BCL11A: variants seen among roughly 807,000 people sequenced by gnomAD.
BCL11A encodes the protein B cell CLL/lymphoma 11A.
BCL11A carries 2 observed loss-of-function variants against 55.9 expected under a neutral mutation model. The ratio of observed to expected loss-of-function variants is 0.04; its 90% CI spans 0.01 to 0.11. The LOEUF (loss-of-function observed/expected upper bound fraction) is 0.11, where lower values mean the gene tolerates loss of function less well. Among genes scored for constraint, BCL11A ranks in the 10% least tolerant of loss-of-function variants. BCL11A has a pLI of 1.00. For synonymous variants in BCL11A, 465 were observed against 473.4 expected, an observed-to-expected ratio of 0.98 and a Z score of 0.23; for missense variants, 817 against 1,137.1, an observed-to-expected ratio of 0.72 and a Z score of 4.05.
At chr2:60,514,654 C>A (rs1377749360) in intron 2 of BCL11A, among the ~76,000 whole-genome samples, 1 of 147,590 alleles carries the variant, frequency 6.8e-6, no homozygotes, top group African/African-American at 2.5e-5. Flanking sequence ...GGCGACAGAG[C>A]GAGACTCCAT....
At chr2:60,526,441 T>G (rs1377942641) in intron 2 of BCL11A, 1 of 152,230 alleles carries the variant, frequency 6.6e-6, no homozygotes, top group Non-Finnish European at 1.5e-5. Flanking sequence ...TTGTCTCCTA[T>G]GCATCTCCCC....
intron 2 of BCL11A, among the ~76,000 whole-genome samples, chr2:60,504,855 C>T (rs574115448): frequency 2.0e-5 from 3 of 152,098 alleles, no homozygotes; most frequent in Non-Finnish European, 4.4e-5. Context: ...TACCAGTGAG[C>T]GCCCACCACT....
chr2:60,525,340 G>C (rs1363972385), intron 2 of BCL11A: 1 of 152,166 alleles, frequency 6.6e-6, no homozygotes, highest in Non-Finnish European at 1.5e-5. Flanking sequence ...AAAAGATGGA[G>C]AAATCTTATA....
intron 2 of BCL11A, among the ~76,000 whole-genome samples, chr2:60,516,023 T>C (rs1233667510): frequency 6.6e-6 from 1 of 152,196 alleles, no homozygotes; most frequent in East Asian, 1.9e-4. Context: ...GCCCCTCTTC[T>C]CACCACTTCA....
chr2:60,519,539 TTGCCTGCCTGCCTGCCTGCC>T (rs3028029), intron 2 of BCL11A, among the ~76,000 whole-genome samples: 25 of 147,632 alleles, frequency 1.7e-4, no homozygotes, highest in East Asian at 6.1e-4. Flanking sequence ...AGGTCCTCAC[TTGCCTGCCTGCCTGCCTGCC>T]TGCCTGCCTG....
chr2:60,452,560 G>A, downstream of BCL11A: 1 of 1,610,442 alleles, frequency 6.2e-7, no homozygotes. Flanking sequence ...CCACCCCTGG[G>A]GGCTTCAAAT....
intron 1 of BCL11A, among the ~76,000 whole-genome samples, chr2:60,548,474 G>A (rs1448611358): frequency 6.6e-6 from 1 of 152,066 alleles, no homozygotes; most frequent in South Asian, 2.1e-4. Context: ...TCTTCTAAAT[G>A]TAGTGACTGA....
chr2:60,511,321 A>C (rs1008293421), intron 2 of BCL11A, among the ~76,000 whole-genome samples: 3 of 152,246 alleles, frequency 2.0e-5, no homozygotes, highest in Non-Finnish European at 2.9e-5. Flanking sequence ...ACAATTTGAC[A>C]GGTGAATAAG....
At chr2:60,522,897 C>G (rs949587532) in intron 2 of BCL11A, 4 of 152,198 alleles carry the variant, frequency 2.6e-5, no homozygotes, top group Non-Finnish European at 4.4e-5. Flanking sequence ...CAGGCAAGAG[C>G]AAATACTATT....
In BCL11A at chr2:60,539,761, G is replaced by C. The variant is rs548148440; in HGVS notation, c.385+6210C>G. ...TCAGGTTACATTTCCTGGAAATTAA[G>C]TTTGTGACAGAAAATGACTCCAGTA... On this transcript the variant is annotated intron_variant, in intron 2 of 3. Transcript: ENST00000642384. 1.7e-4 allele frequency among the ~76,000 whole-genome samples: 26 copies of C among 152,340 alleles called. 1 individual carries two copies. The South Asian group carries it at 2.3e-3, about 13-fold the overall frequency.
intron 2 of BCL11A, among the ~76,000 whole-genome samples, chr2:60,531,494 C>G (rs142281485): frequency 1.3e-5 from 2 of 152,060 alleles, no homozygotes; most frequent in African/African-American, 4.8e-5. Flanking sequence ...CAAGGTCCCT[C>G]CAAAAAATAT....
chr2:60,550,295 G>C (rs1172281535), intron 1 of BCL11A, among the ~76,000 whole-genome samples: 1 of 152,150 alleles, frequency 6.6e-6, no homozygotes, highest in Non-Finnish European at 1.5e-5. Flanking sequence ...GCGCCCGGTC[G>C]CTTCTCCGCG....
chr2:60,459,983 T>C lies in BCL11A; in HGVS notation c.*421A>G. The C allele has an allele frequency of 1.9e-6, 2 of 1,067,746 alleles. No individual in the cohort carries two copies. Among genetic ancestry groups the C allele is most frequent in the Non-Finnish European group, 2.3e-6 (2 of 881,014 alleles). The allele number at this position is 1,067,746 out of a possible 1,614,324, so 66.1% of individuals were successfully genotyped here. The stretch of plus-strand genomic sequence containing the variant: ...CAGAACGGAACTGGAAACAGCAACA[T>C]GTTTGCTCAGCAACGAATTAGGGAC... On this transcript the variant is annotated 3_prime_UTR_variant, in exon 4 of 4. Coordinates refer to ENST00000642384, the MANE Select transcript of BCL11A (RefSeq NM_022893.4).
At chr2:60,517,474 G>C (rs1409385815) in intron 2 of BCL11A, among the ~76,000 whole-genome samples, 1 of 152,228 alleles carries the variant, frequency 6.6e-6, no homozygotes, top group African/African-American at 2.4e-5. Flanking sequence ...TGGTGGTTTT[G>C]TTGCTTGGGT....
At chr2:60,489,322 A>G (rs1257565831) in intron 2 of BCL11A, among the ~76,000 whole-genome samples, 5 of 152,142 alleles carry the variant, frequency 3.3e-5, no homozygotes, top group African/African-American at 7.2e-5. Flanking sequence ...AACATATCCA[A>G]ATTCATACAA....
intron 2 of BCL11A, among the ~76,000 whole-genome samples, chr2:60,470,814 G>A (rs1248237136): frequency 1.3e-5 from 2 of 152,092 alleles, no homozygotes; most frequent in African/African-American, 2.4e-5. Flanking sequence ...TTTTGTTTTT[G>A]TTTTTGTTTT....
At chr2:60,519,334 C>T (rs2104543419) in intron 2 of BCL11A, among the ~76,000 whole-genome samples, 1 of 152,328 alleles carries the variant, frequency 6.6e-6, no homozygotes, top group Non-Finnish European at 1.5e-5. Context: ...CTGTCAGGTG[C>T]TGGGCCCTGA....
chr2:60,534,012 T>C (rs1669568048), intron 2 of BCL11A: 1 of 152,260 alleles, frequency 6.6e-6, no homozygotes, highest in Admixed American at 6.5e-5. Context: ...AGAATATCAG[T>C]TACACTGTTC....
chr2:60,462,544 C>T (rs1437973026), intron 3 of BCL11A, 120 bp from the exon 4 acceptor site: 4 of 1,450,182 alleles, frequency 2.8e-6, no homozygotes, highest in Admixed American at 2.8e-5. Context: ...AAGGCCTAAG[C>T]CCTCACTGAC....
Sources: allele counts gnomAD v4.1 joint callset (sites outside exome capture counted in the v4.1 genomes callset), GRCh38; gene constraint gnomAD v4.1.1; transcripts MANE v1.5; gene names NCBI Gene and HGNC (gene_info 2026-07-23, HGNC 2026-07-21).